CHMP3: variants seen among roughly 807,000 people sequenced by gnomAD.
The protein encoded by CHMP3 is 25.1 protein.
Under a neutral mutation model 27.4 loss-of-function variants are expected in CHMP3, and 8 were observed. That is an observed-to-expected ratio of 0.29 (90% CI 0.17 to 0.53). The LOEUF (loss-of-function observed/expected upper bound fraction) is 0.53, where lower values mean the gene tolerates loss of function less well. CHMP3 is among the 20% of genes least tolerant of loss of function. The pLI, the probability that CHMP3 is intolerant of heterozygous loss-of-function variation, is 0.96. For synonymous variants in CHMP3, 86 were observed against 85.5 expected, an observed-to-expected ratio of 1.01 and a Z score of -0.03; for missense variants, 208 against 271.5, an observed-to-expected ratio of 0.77 and a Z score of 1.64.
At chr2:86,510,852 G>T in intron 3 of CHMP3, 1 of 213,052 alleles carries the variant, frequency 4.7e-6, no homozygotes, top group Admixed American at 5.3e-5. Context: ...GAAGGCTTCA[G>T]GACCCGAGCA....
chr2:86,509,516 G>T (rs1675017404), intron 4 of CHMP3, among the ~76,000 whole-genome samples: 1 of 152,150 alleles, frequency 6.6e-6, no homozygotes, highest in African/African-American at 2.4e-5. Flanking sequence ...AGGAAGGGAG[G>T]TGATTTCTAT....
At chr2:86,554,810 T>TGTGC (rs1553409350) in intron 1 of CHMP3, among the ~76,000 whole-genome samples, 2 of 105,800 alleles carry the variant, frequency 1.9e-5, no homozygotes, top group African/African-American at 6.8e-5. Context: ...TAAATGTGTG[T>TGTGC]GCGCGCGTGT....
chr2:86,550,541 G>A (rs1676867312), intron 1 of CHMP3, among the ~76,000 whole-genome samples: 1 of 152,108 alleles, frequency 6.6e-6, no homozygotes, highest in Non-Finnish European at 1.5e-5. Flanking sequence ...TTGAAATTAA[G>A]AATTTTTATT....
At chr2:86,521,443 T>G (rs1174671499) in intron 3 of CHMP3, among the ~76,000 whole-genome samples, 4 of 152,162 alleles carry the variant, frequency 2.6e-5, no homozygotes, top group African/African-American at 4.8e-5. Flanking sequence ...TAACATAAAA[T>G]TTGTAACTTT....
chr2:86,530,006 T>A (rs1319256396), intron 2 of CHMP3, among the ~76,000 whole-genome samples: 1 of 152,114 alleles, frequency 6.6e-6, no homozygotes, highest in Non-Finnish European at 1.5e-5. Flanking sequence ...TTTTTTTTTA[T>A]TTTTTGAGAT....
chr2:86,508,538 G>GA (rs1359801026), intron 4 of CHMP3, among the ~76,000 whole-genome samples: 4 of 151,096 alleles, frequency 2.6e-5, no homozygotes, highest in Non-Finnish European at 5.9e-5. Context: ...GAAGTTGCTA[G>GA]AAAAAGAAAA....
intron 1 of CHMP3, among the ~76,000 whole-genome samples, chr2:86,548,382 A>T (rs1489369654): frequency 2.0e-5 from 3 of 152,142 alleles, no homozygotes; most frequent in African/African-American, 4.8e-5. Flanking sequence ...TAGGGAGTGG[A>T]GATGACTCTT....
intron 1 of CHMP3, among the ~76,000 whole-genome samples, chr2:86,552,209 C>T (rs1213579798): frequency 6.6e-6 from 1 of 152,146 alleles, no homozygotes; most frequent in Non-Finnish European, 1.5e-5. Context: ...ATCCATGAGT[C>T]CAAAACGGTG....
intron 2 of CHMP3, among the ~76,000 whole-genome samples, chr2:86,537,680 T>C (rs1676202696): frequency 6.6e-6 from 1 of 152,194 alleles, no homozygotes; most frequent in Non-Finnish European, 1.5e-5. Flanking sequence ...AGGGTGTCTG[T>C]AGTAAAGATC....
chr2:86,510,303 T>C, intron 4 of CHMP3, 55 bp downstream of exon 4: 3 of 1,202,502 alleles, frequency 2.5e-6, no homozygotes, highest in African/African-American at 1.6e-5. Context: ...CCCCTGTTAC[T>C]TGTTTAGAGT....
intron 4 of CHMP3, among the ~76,000 whole-genome samples, chr2:86,508,006 C>T (rs1219942551): frequency 6.6e-6 from 1 of 151,924 alleles, no homozygotes; most frequent in Non-Finnish European, 1.5e-5. Context: ...TGGTTGGAGC[C>T]GTAGTAGATG....
intron 1 of CHMP3, among the ~76,000 whole-genome samples, chr2:86,556,446 C>T (rs1677125553): frequency 6.6e-6 from 1 of 152,086 alleles, no homozygotes; most frequent in Non-Finnish European, 1.5e-5. Context: ...TGTAGGAGAT[C>T]GGTCAGGGTG....
At chr2:86,515,572 C>T (rs1450249558) in intron 3 of CHMP3, among the ~76,000 whole-genome samples, 1 of 152,108 alleles carries the variant, frequency 6.6e-6, no homozygotes, top group Non-Finnish European at 1.5e-5. Context: ...CCACCCGCCT[C>T]AGCCTCCCAA....
chr2:86,559,755 G>T (rs1038365751), intron 1 of CHMP3, among the ~76,000 whole-genome samples: 2 of 152,092 alleles, frequency 1.3e-5, no homozygotes, highest in African/African-American at 4.8e-5. Flanking sequence ...CAGATAAAGT[G>T]GATAATCTAA....
At chr2:86,524,698 T>C (rs1266599073) in intron 3 of CHMP3, among the ~76,000 whole-genome samples, 1 of 152,170 alleles carries the variant, frequency 6.6e-6, no homozygotes, top group Non-Finnish European at 1.5e-5. Context: ...GAGGGATAAA[T>C]GTATATGGAT....
chr2:86,507,489 T>A lies in CHMP3; in HGVS notation c.513A>T (p.Glu171Asp). 3 of 1,614,060 alleles carry A rather than the reference T, an allele frequency of 1.9e-6. No homozygotes were observed. The South Asian group carries it at 3.3e-5, about 18-fold the overall frequency. ...ATCTCACGGTCATACCTGCTGTAAT[T>A]TCAAAGAGAATTCTGTCAATTTCCA... is the stretch of plus-strand genomic sequence containing the variant. ...AEMEIDRILFEITAGALGKAP... is the reference protein window; with the variant it reads ...AEMEIDRILFDITAGALGKAP... Residue 171 changes from glutamate (E) to aspartate (D), a missense_variant, in exon 5 of 6, where the codon GAA (glutamate) becomes GAT (aspartate). Coordinates refer to ENST00000263856, the MANE Select transcript of CHMP3 (RefSeq NM_016079.4).
chr2:86,510,833 T>C, intron 3 of CHMP3: 1 of 226,166 alleles, frequency 4.4e-6, no homozygotes, highest in South Asian at 6.1e-5. Flanking sequence ...AAGGCCACAC[T>C]AGGAAAGAGA....
rs1311269074 is a variant in CHMP3 at position 86,504,486 on chromosome 2, G to A, written c.*1318C>T. On this transcript the variant is annotated 3_prime_UTR_variant, in exon 6 of 6. Coordinates refer to ENST00000263856, the MANE Select transcript of CHMP3 (RefSeq NM_016079.4). ...TCAAGAGTAATAGGAGGGTCCTCTGGACTCAAAAATGAAATTTTTTTTTTT... is the reference window on the plus strand; with the variant it reads ...TCAAGAGTAATAGGAGGGTCCTCTGAACTCAAAAATGAAATTTTTTTTTTT... 3 of 149,082 alleles carry A rather than the reference G, an allele frequency of 2.0e-5. No homozygotes were observed. Among genetic ancestry groups the A allele is most frequent in the Non-Finnish European group, 4.4e-5 (3 of 67,610 alleles). 9.2% of individuals were successfully genotyped at this position (149,082 alleles called of 1,614,324 possible). A position where few individuals can be genotyped will look rare whatever the true frequency, so the allele number is the denominator to read the frequency against.
intron 4 of CHMP3, among the ~76,000 whole-genome samples, chr2:86,509,083 C>G (rs956786770): frequency 4.6e-5 from 7 of 152,218 alleles, no homozygotes; most frequent in African/African-American, 1.4e-4. Context: ...CCTTGAGGAG[C>G]TGAGCCCCTA....
Sources: allele counts gnomAD v4.1 joint callset (sites outside exome capture counted in the v4.1 genomes callset), GRCh38; gene constraint gnomAD v4.1.1; transcripts MANE v1.5; gene names NCBI Gene and HGNC (gene_info 2026-07-23, HGNC 2026-07-21).